Variants in PCDHGB7 observed in about 807,000 individuals in gnomAD.
PCDHGB7 encodes protocadherin gamma subfamily B, 7, also known as protocadherin gamma-B7.
PCDHGB7 carries 37 observed loss-of-function variants against 61.4 expected under a neutral mutation model. That is an observed-to-expected ratio of 0.60 (90% CI 0.46 to 0.79). The LOEUF (loss-of-function observed/expected upper bound fraction) is 0.79, where lower values mean the gene tolerates loss of function less well. Ranked by LOEUF, PCDHGB7 falls within the 30% of genes least tolerant of loss-of-function variation. The probability of loss-of-function intolerance (pLI) is 0.00; values close to 1 mark genes in which losing one functional copy is unlikely to be tolerated. For missense variants in PCDHGB7, 1,166 were observed against 1,202.5 expected (o/e 0.97, Z 0.45); for synonymous variants, 464 against 503.5 (o/e 0.92, Z 1.05).
intron 1 of PCDHGB7, among the ~76,000 whole-genome samples, chr5:141,481,692 G>T (rs1231630072): frequency 6.6e-6 from 1 of 152,020 alleles, no homozygotes; most frequent in African/African-American, 2.4e-5. Context: ...GGTGGCTCAC[G>T]CCTGTAATCC....
rs1345224043 is a variant in PCDHGB7, at chr5:141,487,695, C to G, written c.2416-7112C>G. Reference sequence around the variant, plus strand: ...TGGCTAGGCCATGTCCTAGAGAGTACTGGCCTCTCAGTAAGTGCCCATAGT... The same window carrying G: ...TGGCTAGGCCATGTCCTAGAGAGTAGTGGCCTCTCAGTAAGTGCCCATAGT... On this transcript the variant is annotated intron_variant, in intron 1 of 3. Transcript: ENST00000398594. The surrounding 1 kb of genome is among the most constrained non-coding windows in gnomAD (Gnocchi z 5.0). 1 of 1,601,306 alleles carries G rather than the reference C, an allele frequency of 6.2e-7. No individual in the cohort carries two copies.
chr5:141,434,277 A>G (rs760937958), intron 1 of PCDHGB7, among the ~76,000 whole-genome samples: 4 of 152,172 alleles, frequency 2.6e-5, no homozygotes, highest in Non-Finnish European at 4.4e-5. Flanking sequence ...AATTAGAGGT[A>G]TTCTCTGTTT....
intron 1 of PCDHGB7, among the ~76,000 whole-genome samples, chr5:141,481,250 C>A (rs1160186962): frequency 2.6e-5 from 4 of 152,144 alleles, no homozygotes; most frequent in Non-Finnish European, 5.9e-5. Context: ...TAGCATAGCT[C>A]TAAAAGATCA....
rs780685517 is a variant in PCDHGB7 at position 141,489,548 on chromosome 5, T to C, written c.2416-5259T>C. 6.2e-7 allele frequency: 1 copy of C among 1,614,136 alleles called. No individual in the cohort carries two copies. Among genetic ancestry groups the C allele is most frequent in the South Asian group, 1.1e-5 (1 of 91,086 alleles). On this transcript the variant is annotated intron_variant, in intron 1 of 3. Coordinates refer to ENST00000398594, the MANE Select transcript of PCDHGB7 (RefSeq NM_018927.4). This position sits in a 1 kb window ranked among gnomAD's most constrained non-coding sequence, Gnocchi z 4.5. ...CTATGTGGAGCCAGCACCAGCTGCCTGCTGCCAGTGCAGGTGGTGACTGAA... is the reference window on the plus strand; with the variant it reads ...CTATGTGGAGCCAGCACCAGCTGCCCGCTGCCAGTGCAGGTGGTGACTGAA...
chr5:141,482,505 C>T (rs1183998287), intron 1 of PCDHGB7, among the ~76,000 whole-genome samples: 1 of 122,986 alleles, frequency 8.1e-6, no homozygotes, highest in African/African-American at 3.4e-5. Context: ...TTCTGGTACC[C>T]AGAGTACAGT....
chr5:141,419,423 C>A lies in PCDHGB7; in HGVS notation c.1564C>A (p.His522Asn). ...GGTGTTCGCGCAGCGCGCCTTCGAC[C>A]ACGAGCAGCTGCGCACCTTCGAGCT... ...GVVFAQRAFD[H>N]EQLRTFELTL... The change falls in exon 1 of 4, where the codon CAC becomes AAC. Residue 522 changes from histidine (H) to asparagine (N), a missense_variant. Transcript: ENST00000398594. 6.2e-7 allele frequency: 1 copy of A among 1,613,368 alleles called. No individual in the cohort carries two copies. Among genetic ancestry groups the A allele is most frequent in the Non-Finnish European group, 8.5e-7 (1 of 1,179,862 alleles).
intron 1 of PCDHGB7, chr5:141,430,820 G>C (rs1194897001): frequency 6.5e-7 from 1 of 1,541,598 alleles, no homozygotes; most frequent in East Asian, 2.3e-5. Context: ...AATCCTCCTG[G>C]GGACTCTGTG....
In PCDHGB7 at chr5:141,419,945, T is replaced by TTGGCCTTGATTTCTG. The variant is rs1205104698; in HGVS notation, c.2089_2103dup (p.Ala697_Val701dup). On this transcript the variant is annotated inframe_insertion, in exon 1 of 4. Transcript: ENST00000398594. ...GATGCAGTTTTACCTGGTGGTGGCC[T>TTGGCCTTGATTTCTG]TGGCCTTGATTTCTGTGCTCTTTCT... 3.7e-6 allele frequency: 6 copies of TTGGCCTTGATTTCTG among 1,613,970 alleles called. No homozygotes were observed. Among genetic ancestry groups the TTGGCCTTGATTTCTG allele is most frequent in the Non-Finnish European group, 4.2e-6 (5 of 1,179,916 alleles).
chr5:141,501,618 T>G (rs1307485559), intron 2 of PCDHGB7, among the ~76,000 whole-genome samples: 2 of 152,068 alleles, frequency 1.3e-5, no homozygotes, highest in African/African-American at 4.8e-5. Flanking sequence ...GTGACTCTGG[T>G]ATAGTCTCTC....
chr5:141,421,389 G>T (rs200646513), intron 1 of PCDHGB7: 1 of 1,613,934 alleles, frequency 6.2e-7, no homozygotes, highest in African/African-American at 1.3e-5. Context: ...AGGACCTGGG[G>T]CTGGAGCCCC....
chr5:141,438,471 A>C (rs1019238906), intron 1 of PCDHGB7, among the ~76,000 whole-genome samples: 4 of 151,396 alleles, frequency 2.6e-5, no homozygotes, highest in Admixed American at 2.6e-4. Flanking sequence ...CAATTATTGG[A>C]AAGTGGTCTC....
In PCDHGB7 at chr5:141,494,860, C is replaced by T. The variant is rs372794752; in HGVS notation, c.2469C>T (p.Thr823=). Residue 823 remains threonine, a synonymous_variant, in exon 2 of 4, where the codon ACC becomes ACT. Coordinates refer to ENST00000398594, the MANE Select transcript of PCDHGB7 (RefSeq NM_018927.4). ...TCTCTCAGGCCCAGAGACCCGGCAC[C>T]AGCGGGTAGGTGACTGATTCTCCAG... ...WRFSQAQRPG[T]SGSQNGDDTG... 5.6e-6 allele frequency: 9 copies of T among 1,614,032 alleles called. No homozygotes were observed. Among genetic ancestry groups the T allele is most frequent in the Non-Finnish European group, 7.6e-6 (9 of 1,180,024 alleles).
At chr5:141,426,922 T>C in intron 1 of PCDHGB7, 1 of 456,720 alleles carries the variant, frequency 2.2e-6, no homozygotes, top group Non-Finnish European at 4.4e-6. Flanking sequence ...CTGGAAGCAA[T>C]GGACATGGGT....
At chr5:141,426,004 C>T (rs573455573) in intron 1 of PCDHGB7, among the ~76,000 whole-genome samples, 10 of 152,264 alleles carry the variant, frequency 6.6e-5, no homozygotes, top group Non-Finnish European at 8.8e-5. Flanking sequence ...CAAAGGCTTC[C>T]GGCTGCAGTT....
intron 1 of PCDHGB7, chr5:141,424,706 T>G (rs752721357): frequency 4.6e-5 from 7 of 152,190 alleles, no homozygotes; most frequent in Non-Finnish European, 8.8e-5. Context: ...TTTGTTCATT[T>G]TCAGTGTAGT....
At position 141,490,852 on chromosome 5, in the gene PCDHGB7, G is replaced by A. The variant is rs759198428; in HGVS notation, c.2416-3955G>A. 2 of 1,613,896 alleles carry A rather than the reference G, an allele frequency of 1.2e-6. No individual in the cohort carries two copies. Among genetic ancestry groups the A allele is most frequent in the Non-Finnish European group, 1.7e-6 (2 of 1,179,928 alleles). ...GCTGCAGATTGTGGTGGGGGTTCGA[G>A]ACTCCGGCTCTCCCCCATTGCATGC... On this transcript the variant is annotated intron_variant, in intron 1 of 3. Transcript: ENST00000398594. The surrounding 1 kb of genome is among the most constrained non-coding windows in gnomAD (Gnocchi z 5.4).
chr5:141,423,058 A>G (rs1235938743), intron 1 of PCDHGB7: 3 of 1,614,022 alleles, frequency 1.9e-6, no homozygotes, highest in African/African-American at 2.7e-5. Flanking sequence ...TCGCCTGCTT[A>G]AGGCCAGCGA....
intron 3 of PCDHGB7, among the ~76,000 whole-genome samples, chr5:141,509,353 C>A (rs2099876446): frequency 6.6e-6 from 1 of 152,170 alleles, no homozygotes; most frequent in Non-Finnish European, 1.5e-5. Context: ...CTGGCCTGGG[C>A]ATCCCTGAGG....
chr5:141,492,224 T>C (rs2099738444), intron 1 of PCDHGB7, among the ~76,000 whole-genome samples: 1 of 152,134 alleles, frequency 6.6e-6, no homozygotes, highest in South Asian at 2.1e-4. Flanking sequence ...CTCATGCGTG[T>C]CCTCCCTGCT....
Sources: allele counts gnomAD v4.1 joint callset (sites outside exome capture counted in the v4.1 genomes callset), GRCh38; gene constraint gnomAD v4.1.1; non-coding constraint Gnocchi (gnomAD v3.1); transcripts MANE v1.5; gene names NCBI Gene and HGNC (gene_info 2026-07-23, HGNC 2026-07-21).